TRUB2: variants seen among roughly 807,000 people sequenced by gnomAD.
The protein encoded by TRUB2 is pseudouridylate synthase TRUB2, mitochondrial.
In TRUB2, 31 loss-of-function variants were observed where a neutral mutation model predicts 31.9. That is an observed-to-expected ratio of 0.97 (90% CI 0.73 to 1.31). The LOEUF (loss-of-function observed/expected upper bound fraction) is 1.31. TRUB2 is among the 50% of genes most tolerant of loss of function. The probability of loss-of-function intolerance (pLI) is 0.00; values close to 1 mark genes in which losing one functional copy is unlikely to be tolerated. For synonymous variants in TRUB2, 201 were observed against 182.6 expected, an observed-to-expected ratio of 1.10 and a Z score of -0.81; for missense variants, 451 against 439.6, an observed-to-expected ratio of 1.03 and a Z score of -0.23.
intron 5 of TRUB2, among the ~76,000 whole-genome samples, chr9:128,312,186 GAGTGC>G (rs1831983313): frequency 6.8e-6 from 1 of 147,930 alleles, no homozygotes; most frequent in Non-Finnish European, 1.5e-5. Flanking sequence ...GCCCAGGCTG[GAGTGC>G]AAATGGCACA....
chr9:128,309,863 A>G lies in TRUB2; in HGVS notation c.683T>C (p.Met228Thr), dbSNP rs200870342. 23 of 1,613,686 alleles carry G rather than the reference A, an allele frequency of 1.4e-5. No homozygotes were observed. Among genetic ancestry groups the G allele is most frequent in the East Asian group, 4.5e-5 (2 of 44,872 alleles). ...CCGCAGCTCTTTCTGCGTCTCATGC[A>G]TGCACTGCACCTCTGCCAGGGACAC... ...PPEFLLEVQC[M>T]HETQKELRKL... Residue 228 changes from methionine (M) to threonine (T), a missense_variant, in exon 8 of 8, where the codon ATG becomes ACG. Met to Thr is a moderately conservative substitution (Grantham distance 81). Coordinates refer to ENST00000372890, the MANE Select transcript of TRUB2 (RefSeq NM_015679.3).
At chr9:128,311,173 C>G in intron 6 of TRUB2, 150 bp from the exon 7 acceptor site, 1 of 1,105,468 alleles carries the variant, frequency 9.0e-7, no homozygotes, top group South Asian at 1.6e-5. Flanking sequence ...TCACCAGGTG[C>G]CTGGTAGAGT....
At chr9:128,320,229 C>T (rs1170396818) in intron 2 of TRUB2, among the ~76,000 whole-genome samples, 2 of 152,064 alleles carry the variant, frequency 1.3e-5, no homozygotes, top group Admixed American at 6.6e-5. Flanking sequence ...AGTGCACTGG[C>T]ACAGTCTCGG....
In TRUB2 at chr9:128,306,024, A is replaced by G. The variant is rs1013774168; in HGVS notation, c.*3526T>C. 2.6e-5 allele frequency: 4 copies of G among 152,218 alleles called. No homozygotes were observed. Among genetic ancestry groups the G allele is most frequent in the African/African-American group, 9.6e-5 (4 of 41,460 alleles). 9.4% of individuals were successfully genotyped at this position (152,218 alleles called of 1,614,324 possible). The stretch of plus-strand genomic sequence containing the variant: ...AATTTTAATTTAAAAGCTCAGCTTA[A>G]ACACCTCATGATGCTTACACATTTG... On this transcript the variant is annotated 3_prime_UTR_variant, in exon 8 of 8. Coordinates refer to ENST00000372890, the MANE Select transcript of TRUB2 (RefSeq NM_015679.3).
rs1831874602 is a variant in TRUB2 at position 128,306,811 on chromosome 9, T to G, written c.*2739A>C. ...AGTGCAGGGGCACAATCTCAGCTAA[T>G]GGCAATCTCCACCTCCTGGGCTTCA... On this transcript the variant is annotated 3_prime_UTR_variant, in exon 8 of 8. Transcript: ENST00000372890. 1 of 151,860 alleles carries G rather than the reference T, an allele frequency of 6.6e-6. No individual in the cohort carries two copies. Among genetic ancestry groups the G allele is most frequent in the African/African-American group, 2.4e-5 (1 of 41,330 alleles). 9.4% of individuals were successfully genotyped at this position (151,860 alleles called of 1,614,324 possible).
At chr9:128,310,277 CAG>C (rs758866764) in intron 7 of TRUB2, among the ~76,000 whole-genome samples, 2 of 151,980 alleles carry the variant, frequency 1.3e-5, no homozygotes, top group Non-Finnish European at 2.9e-5. Flanking sequence ...TTTGTAGAGA[CAG>C]GGTCTCGCCA....
chr9:128,319,629 G>A (rs1296824120), intron 2 of TRUB2, among the ~76,000 whole-genome samples: 3 of 151,328 alleles, frequency 2.0e-5, no homozygotes, highest in East Asian at 1.9e-4. Context: ...TAGGCATGTC[G>A]TCCCATATAC....
chr9:128,313,700 T>C (rs1231563344), intron 5 of TRUB2, 108 bp downstream of exon 5: 2 of 969,292 alleles, frequency 2.1e-6, no homozygotes, highest in Admixed American at 1.8e-5. Context: ...AGCCCAAGCC[T>C]AGTGTGTGCA....
rs1199418675 is a variant in TRUB2 at position 128,309,730 on chromosome 9, G to T, written c.816C>A (p.Thr272=). ...FFTLDSALLR[T]QWDLTNIQDA... ...CCTGGATGTTGGTTAGGTCCCACTG[G>T]GTCCTCAGGAGGGCACTGTCTAGCG... Residue 272 remains threonine, a synonymous_variant, in exon 8 of 8, where the codon ACC becomes ACA. Coordinates refer to ENST00000372890, the MANE Select transcript of TRUB2 (RefSeq NM_015679.3). The T allele has an allele frequency of 1.2e-6, 2 of 1,614,216 alleles. No individual in the cohort carries two copies. The highest frequency in any genetic ancestry group is 1.3e-5 in the African/African-American group (1 of 75,062).
chr9:128,322,187 G>A (rs1346534464), intron 1 of TRUB2, 113 bp downstream of exon 1: 2 of 817,584 alleles, frequency 2.4e-6, no homozygotes, highest in Non-Finnish European at 4.0e-6. Flanking sequence ...TTGGGAAAGC[G>A]CTCTGCCCAG....
At chr9:128,317,050 T>TG (rs1312076226) in intron 3 of TRUB2, 102 bp downstream of exon 3, 1 of 1,013,360 alleles carries the variant, frequency 9.9e-7, no homozygotes, top group East Asian at 2.6e-5. Flanking sequence ...AGAGGAGTGG[T>TG]GGGACGTGGG....
intron 2 of TRUB2, among the ~76,000 whole-genome samples, chr9:128,318,958 G>A (rs1335403925): frequency 8.6e-5 from 13 of 152,038 alleles, no homozygotes; most frequent in Non-Finnish European, 1.9e-4. Flanking sequence ...GAGGCAGGCA[G>A]ATCACTTGAG....
At chr9:128,314,586 G>A (rs1279084343) in intron 4 of TRUB2, among the ~76,000 whole-genome samples, 1 of 151,974 alleles carries the variant, frequency 6.6e-6, no homozygotes, top group Non-Finnish European at 1.5e-5. Context: ...TGCGCCACCA[G>A]CCTGGCTAAT....
chr9:128,321,820 C>T (rs1441257177), intron 1 of TRUB2, 90 bp from the exon 2 acceptor site: 5 of 1,408,894 alleles, frequency 3.5e-6, no homozygotes, highest in Non-Finnish European at 4.8e-6. Context: ...CGTTCTGTAG[C>T]CCAGGCTGAA....
Position 128,321,639 on chromosome 9 carries a change from G to T in TRUB2, c.201C>A (p.Leu67=). 6.2e-7 allele frequency: 1 copy of T among 1,614,072 alleles called. No individual in the cohort carries two copies. The highest frequency in any genetic ancestry group is 8.5e-7 in the Non-Finnish European group (1 of 1,180,012). ...MEGSEEKELT[L]TATSVPSFIN... is the part of the protein sequence containing the mutation. ...TGAAAGAGGGTACGCTGGTGGCTGT[G>T]AGGGTCAGCTCCTTCTCTTCGCTGC... The change falls in exon 2 of 8, where the codon CTC becomes CTA. Residue 67 remains leucine (L), a synonymous_variant. Coordinates refer to ENST00000372890, the MANE Select transcript of TRUB2 (RefSeq NM_015679.3).
At position 128,309,646 on chromosome 9, in the gene TRUB2, C is replaced by T. The variant is rs775130930; in HGVS notation, c.900G>A (p.Pro300=). Residue 300 remains proline, a synonymous_variant, in exon 8 of 8, where the codon CCG becomes CCA. Coordinates refer to ENST00000372890, the MANE Select transcript of TRUB2 (RefSeq NM_015679.3). The stretch of plus-strand genomic sequence containing the variant: ...TGGGGAGCTGCTTGGTGTCCAGCCC[C>T]GGGCTCAAGCTCTTCTCCAGCTCTG... ...VAAELEKSLS[P]GLDTKQLPSP... is the part of the protein sequence containing the mutation. 13 of 1,614,014 alleles carry T rather than the reference C, an allele frequency of 8.1e-6. No homozygotes were observed. The Admixed American group carries it at 1.2e-4, about 14-fold the overall frequency.
chr9:128,320,342 T>C (rs1015104991), intron 2 of TRUB2, among the ~76,000 whole-genome samples: 1 of 151,858 alleles, frequency 6.6e-6, no homozygotes, highest in African/African-American at 2.4e-5. Flanking sequence ...GCTAATTTTT[T>C]TTTTTTTTTG....
rs537189011 is a variant in TRUB2, at chr9:128,313,651, A to G, written c.460+157T>C. On this transcript the variant is annotated intron_variant, in intron 5 of 7. Coordinates refer to ENST00000372890, the MANE Select transcript of TRUB2 (RefSeq NM_015679.3). The stretch of plus-strand genomic sequence containing the variant: ...TTGAGCTAGGCAAGCAGGGGAGTAG[A>G]GGATGCTCCTGGAGCACAGATCCCG... 2.0e-5 allele frequency among the ~76,000 whole-genome samples: 3 copies of G among 152,314 alleles called. No homozygotes were observed. The East Asian group carries it at 5.8e-4, about 29-fold the overall frequency.
chr9:128,315,673 A>G lies in TRUB2; in HGVS notation c.317-45T>C, dbSNP rs954514993. 7 of 1,596,140 alleles carry G rather than the reference A, an allele frequency of 4.4e-6. No homozygotes were observed. The Admixed American group carries it at 5.2e-5, about 12-fold the overall frequency. On this transcript the variant is annotated intron_variant, in intron 3 of 7. Coordinates refer to ENST00000372890, the MANE Select transcript of TRUB2 (RefSeq NM_015679.3). ...ATCTCACACCTGGGACCCCCTTCCC[A>G]TTCCCCTAAGTATCCCCACCCCTAC...
Sources: gnomAD v4.1 joint callset for allele counts (sites outside exome capture counted in the v4.1 genomes callset) on GRCh38, gnomAD v4.1.1 for gene constraint, MANE v1.5 for transcripts, NCBI Gene and HGNC (gene_info 2026-07-23, HGNC 2026-07-21) for gene names.